Variants in APBB2 observed in about 807,000 individuals in gnomAD.
APBB2 encodes amyloid beta precursor protein binding family B member 2.
In APBB2, 38 loss-of-function variants were observed where a neutral mutation model predicts 82.5. The ratio of observed to expected loss-of-function variants is 0.46; its 90% CI spans 0.36 to 0.60. APBB2 has a LOEUF of 0.60. Ranked by LOEUF, APBB2 falls within the 20% of genes least tolerant of loss-of-function variation. APBB2 has a pLI of 0.00. For missense variants in APBB2, 772 were observed against 972.3 expected (o/e 0.79, Z 2.74); for synonymous variants, 341 against 368.2 (o/e 0.93, Z 0.85).
At chr4:41,012,367 T>C (rs907314925) in intron 6 of APBB2, among the ~76,000 whole-genome samples, 12 of 152,162 alleles carry the variant, frequency 7.9e-5, no homozygotes, top group African/African-American at 2.9e-4. Flanking sequence ...CTTCAGGATA[T>C]GAATTCTCTA....
At chr4:41,029,604 A>C (rs1044858134) in intron 5 of APBB2, among the ~76,000 whole-genome samples, 2 of 152,238 alleles carry the variant, frequency 1.3e-5, no homozygotes, top group Admixed American at 1.3e-4. Flanking sequence ...ACTTTTTAAT[A>C]AACTCAATCT....
At chr4:41,105,754 C>A (rs961275000) in intron 2 of APBB2, among the ~76,000 whole-genome samples, 1 of 151,956 alleles carries the variant, frequency 6.6e-6, no homozygotes. Flanking sequence ...GGTGTGGTAG[C>A]GGGCGCCTGT....
At chr4:40,923,014 G>T in intron 10 of APBB2, among the ~76,000 whole-genome samples, 1 of 147,612 alleles carries the variant, frequency 6.8e-6, no homozygotes, top group Non-Finnish European at 1.5e-5. Context: ...CCGCTCTTTA[G>T]CCCAGGCCGG....
chr4:41,038,084 A>G (rs1258491932), intron 4 of APBB2, among the ~76,000 whole-genome samples: 3 of 152,164 alleles, frequency 2.0e-5, no homozygotes, highest in Non-Finnish European at 2.9e-5. Context: ...GTGTTTCCAC[A>G]TGTCCCGTTA....
intron 6 of APBB2, among the ~76,000 whole-genome samples, chr4:40,953,280 G>C (rs1161824411): frequency 1.7e-5 from 2 of 117,944 alleles, no homozygotes; most frequent in Non-Finnish European, 3.4e-5. Flanking sequence ...TGGGCAACAA[G>C]AGCAAAACTC....
At chr4:41,078,817 G>A (rs570140053) in intron 3 of APBB2, among the ~76,000 whole-genome samples, 30 of 152,246 alleles carry the variant, frequency 2.0e-4, no homozygotes, top group Non-Finnish European at 2.8e-4. Flanking sequence ...GGAAATGGCC[G>A]GCATCTAAAC....
intron 6 of APBB2, among the ~76,000 whole-genome samples, chr4:40,986,220 C>A (rs1189167251): frequency 6.6e-6 from 1 of 152,172 alleles, no homozygotes; most frequent in Non-Finnish European, 1.5e-5. Flanking sequence ...CCAAAACAAT[C>A]CAGAAGCAAG....
chr4:40,971,043 C>A (rs1307199999), intron 6 of APBB2, among the ~76,000 whole-genome samples: 1 of 152,182 alleles, frequency 6.6e-6, no homozygotes, highest in East Asian at 1.9e-4. Flanking sequence ...TTCCTTCATA[C>A]ATACTTGTAA....
intron 6 of APBB2, among the ~76,000 whole-genome samples, chr4:40,965,303 A>G (rs911821197): frequency 6.6e-6 from 1 of 152,220 alleles, no homozygotes; most frequent in African/African-American, 2.4e-5. Context: ...ATTTAAGTCC[A>G]AAACAAACTT....
At chr4:40,902,432 G>A (rs1465113326) in intron 10 of APBB2, among the ~76,000 whole-genome samples, 1 of 152,214 alleles carries the variant, frequency 6.6e-6, no homozygotes, top group African/African-American at 2.4e-5. Flanking sequence ...AGGAAAGTAG[G>A]GAGGGGCAAG....
intron 12 of APBB2, among the ~76,000 whole-genome samples, chr4:40,872,083 T>C (rs960529745): frequency 1.3e-5 from 2 of 152,256 alleles, no homozygotes; most frequent in Non-Finnish European, 2.9e-5. Context: ...GCTTTGCCAA[T>C]GAAATGTGAG....
intron 2 of APBB2, among the ~76,000 whole-genome samples, chr4:41,139,828 T>C (rs1160883917): frequency 6.6e-6 from 1 of 152,188 alleles, no homozygotes; most frequent in Non-Finnish European, 1.5e-5. Context: ...GATACTGTAA[T>C]GGAAATACAA....
intron 10 of APBB2, among the ~76,000 whole-genome samples, chr4:40,914,022 G>A (rs1332039112): frequency 6.6e-6 from 1 of 152,024 alleles, no homozygotes; most frequent in Non-Finnish European, 1.5e-5. Context: ...GACCACCTGA[G>A]GTCAGGAGTT....
intron 6 of APBB2, among the ~76,000 whole-genome samples, chr4:41,001,618 C>T (rs1308584984): frequency 6.6e-6 from 1 of 152,202 alleles, no homozygotes; most frequent in Non-Finnish European, 1.5e-5. Context: ...TGGCTCACGC[C>T]TGTAATCCCA....
chr4:40,982,993 A>T (rs1799510757), intron 6 of APBB2, among the ~76,000 whole-genome samples: 1 of 152,200 alleles, frequency 6.6e-6, no homozygotes, highest in Admixed American at 6.5e-5. Flanking sequence ...AAGGTGGATA[A>T]GTATGAAGGC....
intron 6 of APBB2, among the ~76,000 whole-genome samples, chr4:40,995,269 A>T (rs2154415637): frequency 6.6e-6 from 1 of 152,310 alleles, no homozygotes; most frequent in East Asian, 1.9e-4. Flanking sequence ...AACACCTAGG[A>T]GAGTGGTAAT....
intron 2 of APBB2, among the ~76,000 whole-genome samples, chr4:41,134,662 T>C (rs1298743112): frequency 6.6e-6 from 1 of 152,084 alleles, no homozygotes; most frequent in Non-Finnish European, 1.5e-5. Flanking sequence ...TCTCTAAAAC[T>C]GGGTAACACT....
chr4:41,116,007 A>G (rs1750850990), intron 2 of APBB2, among the ~76,000 whole-genome samples: 1 of 152,234 alleles, frequency 6.6e-6, no homozygotes, highest in South Asian at 2.1e-4. Context: ...GTAAAGACAC[A>G]TACACACGTA....
chr4:40,828,353 C>T (rs1750666859), intron 13 of APBB2, among the ~76,000 whole-genome samples: 1 of 152,162 alleles, frequency 6.6e-6, no homozygotes, highest in South Asian at 2.1e-4. Context: ...TTAGTGACCC[C>T]AAAAGTAACT....
Sources: gnomAD v4.1 joint callset for allele counts (sites outside exome capture counted in the v4.1 genomes callset) on GRCh38, gnomAD v4.1.1 for gene constraint, MANE v1.5 for transcripts, NCBI Gene and HGNC (gene_info 2026-07-23, HGNC 2026-07-21) for gene names.